The following ME1 variants were observed in gnomAD, a reference collection of about 807,000 sequenced individuals.
The protein encoded by ME1 is malic enzyme 1.
In ME1, 74 loss-of-function variants were observed where a neutral mutation model predicts 66.4. The observed-to-expected ratio is 1.11, with a 90% confidence interval of 0.92 to 1.35. ME1 has a LOEUF of 1.35. ME1 is among the 40% of genes most tolerant of loss of function. The probability of loss-of-function intolerance (pLI) is 0.00; values close to 1 mark genes in which losing one functional copy is unlikely to be tolerated. For missense variants in ME1, 750 were observed against 694.1 expected (o/e 1.08, Z -0.90); for synonymous variants, 251 against 235.6 (o/e 1.07, Z -0.60).
intron 3 of ME1, among the ~76,000 whole-genome samples, chr6:83,396,625 T>A (rs1769736268): frequency 6.6e-6 from 1 of 152,080 alleles, no homozygotes; most frequent in South Asian, 2.1e-4. Context: ...AAATAAAGAT[T>A]AAAAAATTCA....
intron 3 of ME1, among the ~76,000 whole-genome samples, chr6:83,378,186 T>TTAATA (rs1447018928): frequency 6.7e-6 from 1 of 149,734 alleles, no homozygotes; most frequent in Non-Finnish European, 1.5e-5. Context: ...TTAAAAATAA[T>TTAATA]TAATACAATG....
chr6:83,260,547 C>T (rs1766863193), intron 6 of ME1, among the ~76,000 whole-genome samples: 1 of 152,112 alleles, frequency 6.6e-6, no homozygotes. Flanking sequence ...ACAATAGTTA[C>T]TTGTTCTGCT....
At chr6:83,353,093 T>C (rs1225018284) in intron 3 of ME1, among the ~76,000 whole-genome samples, 4 of 152,224 alleles carry the variant, frequency 2.6e-5, no homozygotes, top group Non-Finnish European at 5.9e-5. Context: ...CTGGTAGAGT[T>C]TCCCTCAATA....
intron 3 of ME1, among the ~76,000 whole-genome samples, chr6:83,391,365 G>A (rs1769617046): frequency 6.6e-6 from 1 of 152,010 alleles, no homozygotes; most frequent in Admixed American, 6.6e-5. Context: ...AGGTCTTTGT[G>A]GCTGTCTTCA....
chr6:83,296,901 G>C (rs1285319255), intron 6 of ME1, among the ~76,000 whole-genome samples: 1 of 152,070 alleles, frequency 6.6e-6, no homozygotes, highest in East Asian at 1.9e-4. Context: ...CTATTAAAGT[G>C]CTAAAAAATT....
intron 3 of ME1, among the ~76,000 whole-genome samples, chr6:83,388,822 C>A (rs1769563538): frequency 1.3e-5 from 2 of 151,994 alleles, no homozygotes; most frequent in South Asian, 4.2e-4. Context: ...CAGTGGTGCC[C>A]TGTATAAGGA....
chr6:83,381,910 C>A (rs142026798), intron 3 of ME1, among the ~76,000 whole-genome samples: 17 of 152,140 alleles, frequency 1.1e-4, no homozygotes, highest in Admixed American at 8.5e-4. Context: ...TATAATGAAA[C>A]TCTATCATGA....
At chr6:83,341,437 A>T (rs571920150) in intron 5 of ME1, among the ~76,000 whole-genome samples, 1 of 152,228 alleles carries the variant, frequency 6.6e-6, no homozygotes, top group South Asian at 2.1e-4. Context: ...TTCAACTTGC[A>T]GTTGATGTCA....
Position 83,334,259 on chromosome 6 carries a change from G to C in ME1, c.600+11914C>G, listed in dbSNP as rs536642360. On this transcript the variant is annotated intron_variant, in intron 5 of 13. Transcript: ENST00000369705. ...ACCCGAATATTGCGCTTTTCAGACC[G>C]GCTTAAGAAACGGCGCACCACGAGA... is the stretch of plus-strand genomic sequence containing the variant. Among the ~76,000 whole-genome samples the C allele has an allele frequency of 6.2e-3, 880 of 141,108 alleles. 9 individuals are homozygous for C. The highest frequency in any genetic ancestry group is 0.022 in the African/African-American group (835 of 37,498). 92.6% of individuals were successfully genotyped at this position (141,108 alleles called of 152,430 possible).
At chr6:83,229,034 T>G in intron 9 of ME1, 103 bp from the exon 10 acceptor site, 1 of 726,244 alleles carries the variant, frequency 1.4e-6, no homozygotes, top group Admixed American at 2.5e-5. Flanking sequence ...CATTTTTATG[T>G]ATGATGTGTT....
At chr6:83,271,809 A>G (rs1767086659) in intron 6 of ME1, among the ~76,000 whole-genome samples, 1 of 152,168 alleles carries the variant, frequency 6.6e-6, no homozygotes. Flanking sequence ...AAAATATTCA[A>G]TTTCATAATA....
chr6:83,407,966 C>T, intron 1 of ME1, 65 bp from the exon 2 acceptor site: 4 of 1,486,676 alleles, frequency 2.7e-6, no homozygotes, highest in Non-Finnish European at 2.7e-6. Context: ...AAAAAGCATA[C>T]ATATAAAATC....
intron 5 of ME1, among the ~76,000 whole-genome samples, chr6:83,317,094 A>G (rs1284855616): frequency 6.6e-6 from 1 of 152,204 alleles, no homozygotes; most frequent in African/African-American, 2.4e-5. Flanking sequence ...AATAAAGTCT[A>G]AAACAGAGAA....
chr6:83,323,542 T>C (rs567366620), intron 5 of ME1, among the ~76,000 whole-genome samples: 10 of 150,370 alleles, frequency 6.7e-5, no homozygotes, highest in African/African-American at 2.4e-4. Context: ...GCAATTCTGG[T>C]CTCTGATAAA....
At chr6:83,232,201 G>T (rs1038664174) in intron 9 of ME1, among the ~76,000 whole-genome samples, 1 of 152,118 alleles carries the variant, frequency 6.6e-6, no homozygotes, top group Admixed American at 6.6e-5. Context: ...CCAATTTACT[G>T]GCCTGTTTTT....
intron 3 of ME1, among the ~76,000 whole-genome samples, chr6:83,362,106 C>T (rs1369650125): frequency 6.6e-6 from 1 of 152,206 alleles, no homozygotes; most frequent in Non-Finnish European, 1.5e-5. Flanking sequence ...CCCTGAAGGA[C>T]AGCAGTGAAG....
In ME1 at chr6:83,405,075, T is replaced by C. The variant is rs183006224; in HGVS notation, c.212+2693A>G. ...AATGGTAGCTTGATGGGTATAACAT[T>C]GAATTATAAATTACTTTGGGCAGTA... On this transcript the variant is annotated intron_variant, in intron 2 of 13. Transcript: ENST00000369705. Among the ~76,000 whole-genome samples the C allele has an allele frequency of 3.3e-3, 505 of 152,350 alleles. 1 individual carries two copies. Among genetic ancestry groups the C allele is most frequent in the African/African-American group, 0.012 (486 of 41,572 alleles).
In ME1 at chr6:83,211,888, A is replaced by G. The variant is rs996289644; in HGVS notation, c.*36T>C. ...TTTAAAAATTATGAAAGGTTTAAAG[A>G]CCTCATTAATAGAGTTAGAAATGTT... is the stretch of plus-strand genomic sequence containing the variant. On this transcript the variant is annotated 3_prime_UTR_variant, in exon 14 of 14. Coordinates refer to ENST00000369705, the MANE Select transcript of ME1 (RefSeq NM_002395.6). 2 of 1,401,988 alleles carry G rather than the reference A, an allele frequency of 1.4e-6. No individual in the cohort carries two copies. Among genetic ancestry groups the G allele is most frequent in the South Asian group, 3.4e-5 (2 of 59,206 alleles). The allele number at this position is 1,401,988 out of a possible 1,614,324, so 86.8% of individuals were successfully genotyped here.
chr6:83,405,773 G>A (rs1050127428), intron 2 of ME1, among the ~76,000 whole-genome samples: 3 of 147,810 alleles, frequency 2.0e-5, no homozygotes, highest in Non-Finnish European at 4.5e-5. Context: ...CCAGGCTGGA[G>A]TGCAGTGGCG....
Sources: gnomAD v4.1 joint callset for allele counts (sites outside exome capture counted in the v4.1 genomes callset) on GRCh38, gnomAD v4.1.1 for gene constraint, MANE v1.5 for transcripts, NCBI Gene and HGNC (gene_info 2026-07-23, HGNC 2026-07-21) for gene names.